Variants in ETS1 observed in about 807,000 individuals in gnomAD.
The protein encoded by ETS1 is protein C-ets-1.
A neutral mutation model predicts 58.6 loss-of-function variants in ETS1; 15 were observed. That is an observed-to-expected ratio of 0.26 (90% CI 0.17 to 0.39). The LOEUF (loss-of-function observed/expected upper bound fraction) is 0.39, where lower values mean the gene tolerates loss of function less well. Ranked by LOEUF, ETS1 falls within the 10% of genes least tolerant of loss-of-function variation. The pLI is 1.00. For synonymous variants in ETS1, 214 were observed against 218.2 expected (o/e 0.98, Z 0.17); for missense variants, 417 against 610.5 (o/e 0.68, Z 3.34).
chr11:128,487,976 C>A (rs1423044430), intron 5 of ETS1, among the ~76,000 whole-genome samples: 2 of 152,100 alleles, frequency 1.3e-5, no homozygotes, highest in East Asian at 3.9e-4. Flanking sequence ...TAACTACAAT[C>A]AGAGATGGGC....
chr11:128,535,090 T>C (rs542098622), intron 3 of ETS1, among the ~76,000 whole-genome samples: 1 of 152,216 alleles, frequency 6.6e-6, no homozygotes, highest in Non-Finnish European at 1.5e-5. Flanking sequence ...CCAGTATCTG[T>C]TGTTTCTTGA....
At chr11:128,472,493 C>T (rs1862212567) in intron 8 of ETS1, among the ~76,000 whole-genome samples, 1 of 152,216 alleles carries the variant, frequency 6.6e-6, no homozygotes, top group Non-Finnish European at 1.5e-5. Flanking sequence ...CATGGAAAAG[C>T]TGTGCTGGTC....
At chr11:128,462,701 T>G (rs1181657778) in intron 9 of ETS1, 125 bp from the exon 10 acceptor site, 1 of 700,754 alleles carries the variant, frequency 1.4e-6, no homozygotes, top group Non-Finnish European at 2.4e-6. Context: ...GTAAGATGAT[T>G]TGAGATTCAT....
chr11:128,585,048 GAAA>G (rs1565421212), intron 1 of ETS1, among the ~76,000 whole-genome samples: 486 of 19,468 alleles, frequency 0.025, 88 homozygotes, highest in Non-Finnish European at 0.029. Flanking sequence ...AAGAAAGAAA[GAAA>G]GAAAGAAAGA....
chr11:128,522,395 G>C, intron 3 of ETS1: 1 of 974,216 alleles, frequency 1.0e-6, no homozygotes, highest in Non-Finnish European at 1.2e-6. Flanking sequence ...TCGGCCGCTG[G>C]GTCCGCGCGC....
intron 3 of ETS1, among the ~76,000 whole-genome samples, chr11:128,507,918 G>A (rs1863286116): frequency 6.6e-6 from 1 of 152,192 alleles, no homozygotes; most frequent in East Asian, 1.9e-4. Flanking sequence ...CCAGGGCAAA[G>A]AGGACAGTAC....
intron 1 of ETS1, among the ~76,000 whole-genome samples, chr11:128,583,186 A>G (rs539043297): frequency 6.6e-6 from 1 of 152,148 alleles, no homozygotes; most frequent in African/African-American, 2.4e-5. Flanking sequence ...ACTTGGTTGA[A>G]CTCATGAGTG....
intron 3 of ETS1, among the ~76,000 whole-genome samples, chr11:128,515,678 T>G (rs1300461797): frequency 6.6e-6 from 1 of 152,118 alleles, no homozygotes; most frequent in African/African-American, 2.4e-5. Flanking sequence ...CCCTTTACAC[T>G]CTCAAAGGTA....
chr11:128,558,932 CT>C (rs1864360383), intron 2 of ETS1, among the ~76,000 whole-genome samples: 2 of 152,178 alleles, frequency 1.3e-5, no homozygotes, highest in South Asian at 4.2e-4. Flanking sequence ...CCTTTAGAGC[CT>C]TTTTTCAAAA....
intron 5 of ETS1, among the ~76,000 whole-genome samples, chr11:128,487,681 G>A (rs1264732882): frequency 6.6e-6 from 1 of 152,158 alleles, no homozygotes; most frequent in Non-Finnish European, 1.5e-5. Context: ...GAAGGTTGCA[G>A]TGAGCCGACA....
chr11:128,494,152 ACAATATCTTAAATT>A (rs1284103014), intron 3 of ETS1, among the ~76,000 whole-genome samples: 1 of 152,274 alleles, frequency 6.6e-6, no homozygotes, highest in East Asian at 1.9e-4. Flanking sequence ...GCTAATAATT[ACAATATCTTAAATT>A]CAAATAACGT....
chr11:128,517,548 C>A (rs1476995537), intron 3 of ETS1, among the ~76,000 whole-genome samples: 1 of 152,240 alleles, frequency 6.6e-6, no homozygotes, highest in Non-Finnish European at 1.5e-5. Context: ...AATATCCCAA[C>A]AACTTTTGAA....
At chr11:128,577,640 T>G (rs1162896238) in intron 1 of ETS1, among the ~76,000 whole-genome samples, 2 of 152,212 alleles carry the variant, frequency 1.3e-5, no homozygotes, top group African/African-American at 4.8e-5. Context: ...ACTAAGGCGA[T>G]GCTGCTAATT....
chr11:128,512,562 G>T (rs190516646), intron 3 of ETS1, among the ~76,000 whole-genome samples: 103 of 152,362 alleles, frequency 6.8e-4, no homozygotes, highest in African/African-American at 2.4e-3. Context: ...TACATTTGTA[G>T]CTTCCGGGGT....
intron 3 of ETS1, among the ~76,000 whole-genome samples, chr11:128,496,161 A>G (rs1344560059): frequency 6.6e-6 from 1 of 152,130 alleles, no homozygotes; most frequent in Non-Finnish European, 1.5e-5. Flanking sequence ...AAAGCCTTCA[A>G]GTTACTTTCT....
chr11:128,494,339 T>G (rs990190687), intron 3 of ETS1, among the ~76,000 whole-genome samples: 5 of 152,186 alleles, frequency 3.3e-5, no homozygotes, highest in African/African-American at 1.2e-4. Flanking sequence ...TCAGTTAATA[T>G]TTATAGGAAT....
chr11:128,484,923 G>C lies in ETS1; in HGVS notation c.762C>G (p.Leu254=), dbSNP rs757354118. ...KYENDYPSVI[L]RDPLQTDTLQ... ...AGGTGTCTGTCTGGAGAGGGTCTCG[G>C]AGAATGACCGAGGGGTAGTCATTCT... Residue 254 remains leucine, a synonymous_variant, in exon 7 of 10, where the codon CTC becomes CTG. Transcript: ENST00000392668. 4 of 1,614,038 alleles carry C rather than the reference G, an allele frequency of 2.5e-6. No individual in the cohort carries two copies. The East Asian group carries it at 6.7e-5, about 27-fold the overall frequency.
At chr11:128,489,259 C>T in intron 5 of ETS1, 31 bp downstream of exon 5, 1 of 1,599,548 alleles carries the variant, frequency 6.3e-7, no homozygotes, top group Non-Finnish European at 8.6e-7. Flanking sequence ...CCCCACATAA[C>T]CTCCACCTCT....
chr11:128,519,793 A>G (rs538264448), intron 3 of ETS1, among the ~76,000 whole-genome samples: 47 of 152,256 alleles, frequency 3.1e-4, no homozygotes, highest in African/African-American at 1.1e-3. Flanking sequence ...TCAATTATTT[A>G]CCTTTCCTGT....
Sources: allele counts gnomAD v4.1 joint callset (sites outside exome capture counted in the v4.1 genomes callset), GRCh38; gene constraint gnomAD v4.1.1; transcripts MANE v1.5; gene names NCBI Gene and HGNC (gene_info 2026-07-23, HGNC 2026-07-21).